PKD1L1: variants seen among roughly 807,000 people sequenced by gnomAD.
PKD1L1 encodes the protein polycystin 1 like 1, transient receptor potential channel interacting.
PKD1L1 carries 236 observed loss-of-function variants against 323.4 expected under a neutral mutation model. The ratio of observed to expected loss-of-function variants is 0.73; its 90% CI spans 0.66 to 0.81. PKD1L1 has a LOEUF of 0.81. PKD1L1 is among the 40% of genes least tolerant of loss of function. The pLI is 0.00. For missense variants in PKD1L1, 3,320 were observed against 3,508.0 expected (o/e 0.95, Z 1.35); for synonymous variants, 1,344 against 1,335.0 (o/e 1.01, Z -0.15).
chr7:47,931,352 T>G, intron 5 of PKD1L1, 31 bp from the exon 6 acceptor site: 1 of 1,609,658 alleles, frequency 6.2e-7, no homozygotes, highest in Non-Finnish European at 8.5e-7. Flanking sequence ...TCAGGGTTTA[T>G]TGAATGGCCT....
In PKD1L1 at chr7:47,827,401, C is replaced by A. The variant is rs780189159; in HGVS notation, c.6803G>T (p.Arg2268Met). The A allele has an allele frequency of 5.0e-6, 8 of 1,613,330 alleles. No individual in the cohort carries two copies. Among genetic ancestry groups the A allele is most frequent in the Non-Finnish European group, 6.8e-6 (8 of 1,179,862 alleles). The part of the protein sequence containing the change: ...WAHPPSKAQL[R>M]GTRQRMRRES... ...TCTCCTCATCCTCTGTCTGGTGCCC[C>A]TCAGCTGGGCCTTGGATGGTGGATG... The change falls in exon 45 of 57, where the codon AGG (arginine) becomes ATG (methionine). Residue 2268 changes from arginine to methionine, a missense_variant. Arg to Met is a moderately conservative substitution (Grantham distance 91, BLOSUM62 -1). Transcript: ENST00000289672.
intron 4 of PKD1L1, among the ~76,000 whole-genome samples, chr7:47,932,534 C>T (rs1482244641): frequency 6.6e-6 from 1 of 152,206 alleles, no homozygotes; most frequent in Non-Finnish European, 1.5e-5. Flanking sequence ...AAGGACCGTG[C>T]CTCTGGCCAG....
Position 47,881,607 on chromosome 7 carries a change from A to G in PKD1L1, c.3442+302T>C, listed in dbSNP as rs1021325122. On this transcript the variant is annotated intron_variant, in intron 20 of 56. Coordinates refer to ENST00000289672, the MANE Select transcript of PKD1L1 (RefSeq NM_138295.5). ...ATGTAAATCCCTGACCACCCTACAA[A>G]AGGCTGTCACAGAAAAGGTGCGCAC... 5.5e-4 allele frequency among the ~76,000 whole-genome samples: 83 copies of G among 152,244 alleles called. 1 individual carries two copies. Among genetic ancestry groups the G allele is most frequent in the African/African-American group, 1.9e-3 (79 of 41,534 alleles).
At chr7:47,862,680 GCATT>G (rs1206169344) in intron 26 of PKD1L1, among the ~76,000 whole-genome samples, 1 of 152,194 alleles carries the variant, frequency 6.6e-6, no homozygotes, top group Non-Finnish European at 1.5e-5. Context: ...AAAGTAAGTA[GCATT>G]TGTGCTGAGT....
At position 47,888,084 on chromosome 7, in the gene PKD1L1, A is replaced by G; in HGVS notation, c.2742T>C (p.Leu914=). Residue 914 remains leucine (L), a synonymous_variant, in exon 17 of 57, where the codon CTT becomes CTC. Transcript: ENST00000289672. ...CACTGCAGTCCTCACACATAGCTTG[A>G]AGAGAGAGTTCGTCATTCCAGTTGA... ...TFVNWNDELS[L]QAMCEDCSEI... 6.2e-7 allele frequency: 1 copy of G among 1,614,064 alleles called. No individual in the cohort carries two copies. The highest frequency in any genetic ancestry group is 1.7e-5 in the Admixed American group (1 of 60,028).
In PKD1L1 at chr7:47,792,787, A is replaced by G. The variant is rs1160772651; in HGVS notation, c.8366T>C (p.Leu2789Ser). 1 of 1,613,158 alleles carries G rather than the reference A, an allele frequency of 6.2e-7. No homozygotes were observed. ...GTCTAACAGATTTGCAAATTCATCC[A>G]AGTAGTAATTCTGAAGGGAAGAAAA... ...AEMVENHNYY[L>S]DEFANLLDEL... Residue 2789 changes from leucine (L) to serine (S), a missense_variant, in exon 56 of 57, where the codon TTG becomes TCG. Physicochemically the swap from Leu to Ser is moderately radical, Grantham distance 145 (BLOSUM62 -2). Transcript: ENST00000289672.
chr7:47,940,050 C>G, intron 3 of PKD1L1, 143 bp downstream of exon 3: 1 of 1,126,492 alleles, frequency 8.9e-7, no homozygotes, highest in South Asian at 1.5e-5. Flanking sequence ...TTATAAGTCA[C>G]ACTTGCTTCA....
intron 13 of PKD1L1, among the ~76,000 whole-genome samples, chr7:47,900,734 T>A (rs7792708): frequency 0.28 from 42,286 of 151,648 alleles, 9,998 homozygotes; most frequent in African/African-American, 0.65. Flanking sequence ...GTCTCAAAAA[T>A]AAATAAATAA....
upstream of PKD1L1, among the ~76,000 whole-genome samples, chr7:47,951,038 T>G (rs1407366323): frequency 1.3e-5 from 2 of 152,222 alleles, no homozygotes; most frequent in Non-Finnish European, 1.5e-5. Context: ...CGGAGGGGTG[T>G]GCTGCTTAAG....
At chr7:47,950,582 C>T (rs1405924515), upstream of PKD1L1, among the ~76,000 whole-genome samples, 2 of 152,096 alleles carry the variant, frequency 1.3e-5, no homozygotes, top group Non-Finnish European at 2.9e-5. Context: ...TGGTGATGCA[C>T]GCCTGTAATC....
intron 2 of PKD1L1, among the ~76,000 whole-genome samples, chr7:47,941,379 G>A (rs1369394924): frequency 6.6e-6 from 1 of 152,206 alleles, no homozygotes; most frequent in East Asian, 1.9e-4. Context: ...ATCCTCACAG[G>A]GGATGTGGCT....
chr7:47,796,578 A>G (rs1471527569), intron 54 of PKD1L1, among the ~76,000 whole-genome samples: 2 of 152,180 alleles, frequency 1.3e-5, no homozygotes, highest in East Asian at 1.9e-4. Flanking sequence ...TGTGCCCTCA[A>G]CATGTGCTCT....
rs1311755544 is a variant in PKD1L1 at position 47,855,801 on chromosome 7, G to A, written c.4591-536C>T. Among the ~76,000 whole-genome samples the A allele has an allele frequency of 9.9e-5, 10 of 100,812 alleles. 2 individuals carry two copies. Among genetic ancestry groups the A allele is most frequent in the South Asian group, 2.6e-4 (1 of 3,784 alleles). The allele number at this position is 100,812 out of a possible 152,430, so 66.1% of individuals were successfully genotyped here. On this transcript the variant is annotated intron_variant, in intron 28 of 56. Coordinates refer to ENST00000289672, the MANE Select transcript of PKD1L1 (RefSeq NM_138295.5). ...TGAGGCAGGAGAATGGCGTGAACCC[G>A]GGAGGCGGAGCTTGCAGTGAGCCGA... is the stretch of plus-strand genomic sequence containing the variant.
At chr7:47,891,693 C>T (rs1786821976) in intron 15 of PKD1L1, among the ~76,000 whole-genome samples, 1 of 152,210 alleles carries the variant, frequency 6.6e-6, no homozygotes, top group Non-Finnish European at 1.5e-5. Context: ...AGCAACTGCC[C>T]CTGGGGTTTA....
chr7:47,955,182 C>T, the PKD1L1 span, among the ~76,000 whole-genome samples: 3 of 152,176 alleles, frequency 2.0e-5, no homozygotes, highest in East Asian at 5.8e-4. Context: ...GTGGTGCCAC[C>T]TTATTGATCG....
At chr7:47,936,534 T>C (rs1787870033) in intron 4 of PKD1L1, among the ~76,000 whole-genome samples, 1 of 152,234 alleles carries the variant, frequency 6.6e-6, no homozygotes, top group South Asian at 2.1e-4. Flanking sequence ...TACCATCATG[T>C]TGAGTGCTTG....
At chr7:47,939,982 G>A (rs1366086010) in intron 3 of PKD1L1, among the ~76,000 whole-genome samples, 1 of 152,204 alleles carries the variant, frequency 6.6e-6, no homozygotes, top group East Asian at 1.9e-4. Flanking sequence ...TCTGGGCTGG[G>A]CTAGCCCTGC....
Position 47,940,317 on chromosome 7 carries a change from T to A in PKD1L1, c.161A>T (p.Glu54Val). The change falls in exon 3 of 57, where the codon GAG (glutamate) becomes GTG (valine). Residue 54 changes from glutamate (E) to valine (V), a missense_variant and splice_region_variant. Coordinates refer to ENST00000289672, the MANE Select transcript of PKD1L1 (RefSeq NM_138295.5). ...CSPPGGGLWV[E>V]VYANHVLLMS... ...AAGAAGCACATGATTAGCATAGACC[T>A]CTAGAGAAAAAAAAAAAAGCAAACA... The A allele has an allele frequency of 6.2e-7, 1 of 1,604,000 alleles. No individual in the cohort carries two copies. Among genetic ancestry groups the A allele is most frequent in the Non-Finnish European group, 8.5e-7 (1 of 1,175,990 alleles).
chr7:47,897,780 T>C (rs938923969), intron 14 of PKD1L1, among the ~76,000 whole-genome samples: 3 of 152,216 alleles, frequency 2.0e-5, no homozygotes, highest in Admixed American at 6.5e-5. Flanking sequence ...TTTTCATCAA[T>C]TGCTTTGACT....
Sources: gnomAD v4.1 joint callset for allele counts (sites outside exome capture counted in the v4.1 genomes callset) on GRCh38, gnomAD v4.1.1 for gene constraint, MANE v1.5 for transcripts, NCBI Gene and HGNC (gene_info 2026-07-23, HGNC 2026-07-21) for gene names.